TRPM1: variants seen among roughly 807,000 people sequenced by gnomAD.
The protein encoded by TRPM1 is TRPM1-203 APA Isoform, Intron 10.
In TRPM1, 113 loss-of-function variants were observed where a neutral mutation model predicts 149.4. The observed-to-expected ratio is 0.76, with a 90% CI of 0.65 to 0.88. The LOEUF (loss-of-function observed/expected upper bound fraction) is 0.88. Ranked by LOEUF, TRPM1 falls within the 40% of genes least tolerant of loss-of-function variation. TRPM1 has a pLI of 0.00. For missense variants in TRPM1, 1,976 were observed against 2,038.7 expected (o/e 0.97, Z 0.59); for synonymous variants, 741 against 759.5 (o/e 0.98, Z 0.40).
At position 31,029,370 on chromosome 15, in the gene TRPM1, C is replaced by A; in HGVS notation, c.3148+1G>T. Reference sequence around the variant, plus strand: ...GAATAATCAATTCCATGTAAACTTACGATTAATTTCCATGGCGTAGACTAC... The same window carrying A: ...GAATAATCAATTCCATGTAAACTTAAGATTAATTTCCATGGCGTAGACTAC... On this transcript the variant is annotated splice_donor_variant, in intron 24 of 27. Transcript: ENST00000256552. LOFTEE classifies it high-confidence loss of function. 1 of 1,613,596 alleles carries A rather than the reference C, an allele frequency of 6.2e-7. No homozygotes were observed. Among genetic ancestry groups the A allele is most frequent in the Non-Finnish European group, 8.5e-7 (1 of 1,179,704 alleles).
At chr15:31,048,570 G>T (rs1369589211) in intron 13 of TRPM1, among the ~76,000 whole-genome samples, 4 of 152,174 alleles carry the variant, frequency 2.6e-5, no homozygotes, top group Non-Finnish European at 5.9e-5. Context: ...CCAGCACTTT[G>T]GGAGGCCAAG....
chr15:31,006,251 C>T (rs1276984746), intron 27 of TRPM1, among the ~76,000 whole-genome samples: 1 of 152,050 alleles, frequency 6.6e-6, no homozygotes, highest in Non-Finnish European at 1.5e-5. Flanking sequence ...AATTTCCGCT[C>T]ACTGCAACCT....
intron 22 of TRPM1, chr15:31,031,365 G>T: frequency 1.6e-6 from 1 of 608,474 alleles, no homozygotes; most frequent in Non-Finnish European, 2.9e-6. Flanking sequence ...CTAGAACATT[G>T]CTATCTTCAT....
chr15:31,133,076 C>A (rs1322197026), intron 1 of TRPM1, among the ~76,000 whole-genome samples: 1 of 152,236 alleles, frequency 6.6e-6, no homozygotes, highest in Non-Finnish European at 1.5e-5. Context: ...CATGAATCCT[C>A]TTCAGACAGT....
At chr15:31,130,398 GA>G (rs1194939033) in intron 1 of TRPM1, among the ~76,000 whole-genome samples, 1 of 152,164 alleles carries the variant, frequency 6.6e-6, no homozygotes, top group Non-Finnish European at 1.5e-5. Flanking sequence ...CTAACTTTGG[GA>G]GGAACTTAGT....
chr15:31,018,573 A>C (rs901986899), intron 27 of TRPM1, among the ~76,000 whole-genome samples: 2 of 151,910 alleles, frequency 1.3e-5, no homozygotes, highest in Non-Finnish European at 2.9e-5. Flanking sequence ...GGGTTTCACC[A>C]TGTTGGTCAG....
rs3784600 is a variant in TRPM1 at position 31,067,349 on chromosome 15, C to T, written c.494-162G>A. Among the ~76,000 whole-genome samples the T allele has an allele frequency of 0.1, 15,146 of 152,202 alleles. 847 individuals are homozygous for T. The highest frequency in any genetic ancestry group is 0.1 in the Non-Finnish European group (7,111 of 67,998). On this transcript the variant is annotated intron_variant, in intron 5 of 27. Transcript: ENST00000256552. ...AAACAAAGTACACTGAAAGTCTGAG[C>T]TCATGATAACGAGCAATCTTGCATT...
In TRPM1 at chr15:31,040,305, T is replaced by C; in HGVS notation, c.2129A>G (p.Tyr710Cys). ...QLALELLDQS[Y>C]KHDEQIAMKL... ...CATAGCGATCTGCTCGTCATGCTTATAGGACTGGTCTAATAACTCCAAAGC... is the reference window on the plus strand; with the variant it reads ...CATAGCGATCTGCTCGTCATGCTTACAGGACTGGTCTAATAACTCCAAAGC... Residue 710 changes from tyrosine (Y) to cysteine (C), a missense_variant, in exon 18 of 28, where the codon TAT becomes TGT. Physicochemically the swap from Tyr to Cys is radical, Grantham distance 194 (BLOSUM62 -2). Around this residue, in one of 3 missense-constraint regions of TRPM1, gnomAD observed 1,332 missense variants for 1,347.1 expected, o/e 0.99. Coordinates refer to ENST00000256552, the MANE Select transcript of TRPM1 (RefSeq NM_001252024.2). This position sits in a 1 kb window ranked among gnomAD's most constrained non-coding sequence, Gnocchi z 4.2. 6 of 1,614,212 alleles carry C rather than the reference T, an allele frequency of 3.7e-6. No individual in the cohort carries two copies. Among genetic ancestry groups the C allele is most frequent in the South Asian group, 1.1e-5 (1 of 91,088 alleles).
At chr15:31,100,989 T>C (rs1567055768) in intron 1 of TRPM1, among the ~76,000 whole-genome samples, 1 of 152,194 alleles carries the variant, frequency 6.6e-6, no homozygotes, top group East Asian at 1.9e-4. Context: ...GAAACCAGTT[T>C]GCACTGCTCC....
At chr15:31,092,988 C>G (rs2035282128) in intron 1 of TRPM1, among the ~76,000 whole-genome samples, 1 of 152,146 alleles carries the variant, frequency 6.6e-6, no homozygotes, top group Non-Finnish European at 1.5e-5. Flanking sequence ...GGGCCGGGCA[C>G]AGTGGTTCAT....
At position 31,026,245 on chromosome 15, in the gene TRPM1, T is replaced by C. The variant is rs2032744296; in HGVS notation, c.3523A>G (p.Lys1175Glu). ...LKLFLSDEELKRLHEFEEQCV... is the reference protein window; with the variant it reads ...LKLFLSDEELERLHEFEEQCV... ...TGCTCCTCGAACTCATGCAGCCTCT[T>C]TAGCTCCTCGTCGCTAAGGAAGAGC... Residue 1175 changes from lysine (K) to glutamate (E), a missense_variant, in exon 27 of 28, where the codon AAG becomes GAG. Physicochemically the swap from Lys to Glu is moderately conservative, Grantham distance 56 (BLOSUM62 1). Around this residue, in one of 3 missense-constraint regions of TRPM1, gnomAD observed 572 missense variants for 578.9 expected, o/e 0.99. Coordinates refer to ENST00000256552, the MANE Select transcript of TRPM1 (RefSeq NM_001252024.2). 6.2e-7 allele frequency: 1 copy of C among 1,611,832 alleles called. No individual in the cohort carries two copies. Among genetic ancestry groups the C allele is most frequent in the African/African-American group, 1.3e-5 (1 of 74,938 alleles).
Position 31,038,138 on chromosome 15 carries a change from G to A in TRPM1, c.2345C>T (p.Thr782Ile). ...KVIMGILLPP[T>I]ILFLEFRTYD... ...TGTGCGAAATTCCAAAAACAAGATG[G>A]TGGGGGGTAGAAGAATCCCCATGAT... Residue 782 changes from threonine (T) to isoleucine (I), a missense_variant, in exon 19 of 28, where the codon ACC becomes ATC. By Grantham distance (89) the Thr-to-Ile change is moderately conservative. Transcript: ENST00000256552. The A allele has an allele frequency of 1.2e-6, 2 of 1,614,114 alleles. No homozygotes were observed. Among genetic ancestry groups the A allele is most frequent in the East Asian group, 4.5e-5 (2 of 44,882 alleles).
intron 14 of TRPM1, 79 bp from the exon 15 acceptor site, chr15:31,047,330 G>T: frequency 6.5e-7 from 1 of 1,535,950 alleles, no homozygotes; most frequent in Admixed American, 1.7e-5. Context: ...GGGGGTAAGT[G>T]GCTGTCCTGG....
At chr15:31,036,015 T>C (rs1290872292) in intron 20 of TRPM1, 4 of 359,840 alleles carry the variant, frequency 1.1e-5, no homozygotes, top group Non-Finnish European at 2.1e-5. Context: ...TCTTCTACAT[T>C]CCTGGAAACT....
At chr15:31,082,962 TAC>T (rs988210303) in intron 1 of TRPM1, among the ~76,000 whole-genome samples, 3 of 151,816 alleles carry the variant, frequency 2.0e-5, no homozygotes, top group Non-Finnish European at 4.4e-5. Flanking sequence ...AGAAGGTGTT[TAC>T]ACACACAGGT....
At chr15:31,099,089 A>G (rs955044522) in intron 1 of TRPM1, among the ~76,000 whole-genome samples, 2 of 152,220 alleles carry the variant, frequency 1.3e-5, no homozygotes, top group African/African-American at 4.8e-5. Flanking sequence ...CGCGATGGGC[A>G]TCTGAGGTAA....
Position 31,047,209 on chromosome 15 carries a change from C to A in TRPM1, c.1666G>T (p.Gly556Trp), listed in dbSNP as rs748043795. Residue 556 changes from glycine (G) to tryptophan (W), a missense_variant, in exon 15 of 28, where the codon GGG becomes TGG. Gly to Trp is a radical substitution (Grantham distance 184). Transcript: ENST00000256552. Reference protein sequence around the residue: ...PDYHISLIDIGLVLEYLMGGA... With the variant: ...PDYHISLIDIWLVLEYLMGGA... ...CCCATGAGGTACTCCAGCACGAGCC[C>A]GATGTCTATGAGGCTGATGTGGTAA... 1 of 1,614,134 alleles carries A rather than the reference C, an allele frequency of 6.2e-7. No homozygotes were observed. Among genetic ancestry groups the A allele is most frequent in the Non-Finnish European group, 8.5e-7 (1 of 1,180,044 alleles).
chr15:31,159,501 T>C (rs1423109342), intron 1 of TRPM1, among the ~76,000 whole-genome samples: 1 of 152,184 alleles, frequency 6.6e-6, no homozygotes, highest in East Asian at 1.9e-4. Flanking sequence ...AATGTGAACT[T>C]ACACAAGAAC....
chr15:31,119,046 C>T (rs1405318831), intron 1 of TRPM1, among the ~76,000 whole-genome samples: 9 of 152,000 alleles, frequency 5.9e-5, no homozygotes, highest in African/African-American at 2.2e-4. Flanking sequence ...TCGAGACCAG[C>T]CTGACCAACA....
Sources: gnomAD v4.1 joint callset for allele counts (sites outside exome capture counted in the v4.1 genomes callset) on GRCh38, gnomAD v4.1.1 for gene constraint, gnomAD v4.1.1 regional missense constraint, Gnocchi (gnomAD v3.1) non-coding constraint, MANE v1.5 for transcripts, NCBI Gene and HGNC (gene_info 2026-07-23, HGNC 2026-07-21) for gene names.